The following CBX1 variants were observed in gnomAD, a reference collection of about 807,000 sequenced individuals.
CBX1 encodes the protein chromobox 1, also known as chromobox protein homolog 1.
A neutral mutation model predicts 25.1 loss-of-function variants in CBX1; 10 were observed. The observed-to-expected ratio is 0.40, with a 90% confidence interval of 0.25 to 0.68. The LOEUF (loss-of-function observed/expected upper bound fraction) is 0.68, where lower values mean the gene tolerates loss of function less well. Among genes scored for constraint, CBX1 ranks in the 30% least tolerant of loss-of-function variants. The probability of loss-of-function intolerance (pLI) is 0.40; values close to 1 mark genes in which losing one functional copy is unlikely to be tolerated. For missense variants in CBX1, 106 were observed against 218.5 expected (o/e 0.49, Z 3.25); for synonymous variants, 63 against 79.4 (o/e 0.79, Z 1.10).
At position 48,071,251 on chromosome 17, in the gene CBX1, T is replaced by C. The variant is rs2037622590; in HGVS notation, c.*184A>G. On this transcript the variant is annotated 3_prime_UTR_variant, in exon 5 of 5. Coordinates refer to ENST00000225603, the MANE Select transcript of CBX1 (RefSeq NM_001127228.2). ...CCCCTTTCCCCTCCACTGGGATGGG[T>C]GTGCAAACTATACAGCTTGAAACGG... 2 of 490,436 alleles carry C rather than the reference T, an allele frequency of 4.1e-6. No individual in the cohort carries two copies. The highest frequency in any genetic ancestry group is 4.7e-5 in the South Asian group (1 of 21,370). The allele number at this position is 490,436 out of a possible 1,614,324, so 30.4% of individuals were successfully genotyped here. A position where few individuals can be genotyped will look rare whatever the true frequency, so the allele number is the denominator to read the frequency against.
Position 48,101,341 on chromosome 17 carries a change from G to T in CBX1, c.-111C>A. On this transcript the variant is annotated 5_prime_UTR_variant, in exon 1 of 5. Transcript: ENST00000225603. ...GCGCGTCGCGTCGGGTCGCCTGGGG[G>T]AGTGGCGCCCAGGAAGGCAGCAAGC... The T allele has an allele frequency of 1.0e-6, 1 of 986,190 alleles. No individual in the cohort carries two copies. Among genetic ancestry groups the T allele is most frequent in the Non-Finnish European group, 1.2e-6 (1 of 830,128 alleles). The allele number at this position is 986,190 out of a possible 1,614,324, so 61.1% of individuals were successfully genotyped here. A position where few individuals can be genotyped will look rare whatever the true frequency, so the allele number is the denominator to read the frequency against.
chr17:48,077,542 G>A (rs886658762), intron 1 of CBX1, among the ~76,000 whole-genome samples: 1 of 149,318 alleles, frequency 6.7e-6, no homozygotes, highest in African/African-American at 2.5e-5. Flanking sequence ...CACCTGCCTC[G>A]GCCTCCCAAA....
At chr17:48,088,955 G>T (rs1017670465) in intron 1 of CBX1, among the ~76,000 whole-genome samples, 1 of 151,768 alleles carries the variant, frequency 6.6e-6, no homozygotes, top group Admixed American at 6.6e-5. Flanking sequence ...CAGCCTGGGC[G>T]ACACAGCAAG....
intron 1 of CBX1, among the ~76,000 whole-genome samples, chr17:48,080,130 G>A (rs1162408454): frequency 6.6e-6 from 1 of 152,050 alleles, no homozygotes; most frequent in African/African-American, 2.4e-5. Context: ...TACGCCTCTA[G>A]GGTTCAAGTG....
intron 1 of CBX1, among the ~76,000 whole-genome samples, chr17:48,094,114 C>CAA (rs11459504): frequency 0.27 from 13,511 of 50,558 alleles, 2,460 homozygotes; most frequent in East Asian, 0.39. Context: ...AACTCTGTCT[C>CAA]AAAAAAAAAA....
Position 48,072,146 on chromosome 17 carries a change from C to T in CBX1, c.414-567G>A, listed in dbSNP as rs555797525. Among the ~76,000 whole-genome samples, 4 of 151,900 alleles carry T rather than the reference C, an allele frequency of 2.6e-5. No individual in the cohort carries two copies. The East Asian group carries it at 5.8e-4, about 22-fold the overall frequency. ...CCTAATAGCTGGAATTATAGGTGTG[C>T]GCCACCACACCCAGCTAATTTTTGT... On this transcript the variant is annotated intron_variant, in intron 4 of 4. Transcript: ENST00000225603.
chr17:48,086,903 A>T lies in CBX1; in HGVS notation c.-37-9862T>A, dbSNP rs149634943. On this transcript the variant is annotated intron_variant, in intron 1 of 4. Coordinates refer to ENST00000225603, the MANE Select transcript of CBX1 (RefSeq NM_001127228.2). Reference sequence around the variant, plus strand: ...AAAAGAAAAAAACAATAAATAAACAAAAATGGCCGGGCGCGGTGGCTCACG... The same window carrying T: ...AAAAGAAAAAAACAATAAATAAACATAAATGGCCGGGCGCGGTGGCTCACG... 2.2e-3 allele frequency among the ~76,000 whole-genome samples: 340 copies of T among 151,816 alleles called. 1 individual carries two copies. Among genetic ancestry groups the T allele is most frequent in the Admixed American group, 8.3e-3 (126 of 15,240 alleles).
intron 1 of CBX1, among the ~76,000 whole-genome samples, chr17:48,090,288 A>G (rs2063337711): frequency 6.6e-6 from 1 of 152,162 alleles, no homozygotes; most frequent in Admixed American, 6.6e-5. Context: ...GTTCCTTAAG[A>G]AACTTTGAAG....
chr17:48,089,967 C>G (rs113682394), intron 1 of CBX1, among the ~76,000 whole-genome samples: 1 of 151,162 alleles, frequency 6.6e-6, no homozygotes, highest in Admixed American at 6.6e-5. Context: ...GTCACCCAGG[C>G]TGGAGTGCAG....
At chr17:48,082,464 T>C (rs2037748166) in intron 1 of CBX1, among the ~76,000 whole-genome samples, 1 of 123,600 alleles carries the variant, frequency 8.1e-6, no homozygotes, top group Non-Finnish European at 1.6e-5. Context: ...ATCATGCCAC[T>C]GCACTCCAGC....
At chr17:48,100,230 CA>C (rs1218580943) in intron 1 of CBX1, among the ~76,000 whole-genome samples, 1 of 148,942 alleles carries the variant, frequency 6.7e-6, no homozygotes, top group African/African-American at 2.5e-5. Flanking sequence ...GCCCACGAAA[CA>C]AATATTACCT....
At chr17:48,080,603 G>A (rs1270508041) in intron 1 of CBX1, among the ~76,000 whole-genome samples, 68 of 151,676 alleles carry the variant, frequency 4.5e-4, no homozygotes, top group Non-Finnish European at 4.4e-5. Context: ...TGTAAAACTG[G>A]CATGTATAGA....
In CBX1 at chr17:48,083,098, T is replaced by C. The variant is rs550070856; in HGVS notation, c.-37-6057A>G. Among the ~76,000 whole-genome samples, 58 of 150,090 alleles carry C rather than the reference T, an allele frequency of 3.9e-4. 1 individual carries two copies. In the South Asian group the frequency reaches 0.012, roughly 31 times the overall value. On this transcript the variant is annotated intron_variant, in intron 1 of 4. Coordinates refer to ENST00000225603, the MANE Select transcript of CBX1 (RefSeq NM_001127228.2). ...TCAGGCTGGTCTTGAACTCCCAACC[T>C]CAGGTGATCTGCCTGCCTCAGCCTC...
At chr17:48,078,954 T>A (rs139659983) in intron 1 of CBX1, among the ~76,000 whole-genome samples, 143 of 147,332 alleles carry the variant, frequency 9.7e-4, no homozygotes, top group African/African-American at 3.6e-3. Context: ...CACGCCCGGC[T>A]AATTTTTGTA....
chr17:48,087,535 T>C (rs2063319276), intron 1 of CBX1, among the ~76,000 whole-genome samples: 1 of 151,138 alleles, frequency 6.6e-6, no homozygotes, highest in Non-Finnish European at 1.5e-5. Context: ...GATCATGCCA[T>C]TGCACTCCAG....
rs116379780 is a variant in CBX1, at chr17:48,074,689, G to A, written c.413+317C>T. ...TATTAAGGAGGTGGTAGAAGGAGAG[G>A]GTGGTCCAATCACATTTCATTTTCT... On this transcript the variant is annotated intron_variant, in intron 4 of 4. Coordinates refer to ENST00000225603, the MANE Select transcript of CBX1 (RefSeq NM_001127228.2). Among the ~76,000 whole-genome samples, 721 of 152,170 alleles carry A rather than the reference G, an allele frequency of 4.7e-3. 3 individuals are homozygous for A. Among genetic ancestry groups the A allele is most frequent in the African/African-American group, 0.016 (675 of 41,496 alleles).
intron 1 of CBX1, among the ~76,000 whole-genome samples, chr17:48,097,182 A>C (rs1392634384): frequency 6.6e-6 from 1 of 150,682 alleles, no homozygotes; most frequent in South Asian, 2.2e-4. Context: ...TGAACCGAGG[A>C]GGCGGAGGTT....
intron 1 of CBX1, among the ~76,000 whole-genome samples, chr17:48,095,371 C>T (rs1474232494): frequency 6.6e-6 from 1 of 151,984 alleles, no homozygotes; most frequent in African/African-American, 2.4e-5. Context: ...AGGCAGATCT[C>T]CTGAGGTTGG....
intron 1 of CBX1, among the ~76,000 whole-genome samples, chr17:48,080,793 C>T (rs914500912): frequency 6.7e-6 from 1 of 149,598 alleles, no homozygotes; most frequent in African/African-American, 2.5e-5. Flanking sequence ...TGGTGGCGCT[C>T]GCCTGTAGTG....
Sources: allele counts gnomAD v4.1 joint callset (sites outside exome capture counted in the v4.1 genomes callset), GRCh38; gene constraint gnomAD v4.1.1; transcripts MANE v1.5; gene names NCBI Gene and HGNC (gene_info 2026-07-23, HGNC 2026-07-21).